Variants in ERICH6 observed in about 807,000 individuals in gnomAD.
The protein encoded by ERICH6 is glutamate-rich protein 6.
ERICH6 carries 71 observed loss-of-function variants against 71.0 expected under a neutral mutation model. The ratio of observed to expected loss-of-function variants is 1.00; its 90% CI spans 0.83 to 1.22. ERICH6 has a LOEUF of 1.22. Among genes scored for constraint, ERICH6 ranks in the 50% most tolerant of loss-of-function variants. The pLI is 0.00. For missense variants in ERICH6, 808 were observed against 797.2 expected (o/e 1.01, Z -0.16); for synonymous variants, 262 against 278.4 (o/e 0.94, Z 0.59).
At chr3:150,699,234 C>A (rs1712767740) in intron 2 of ERICH6, among the ~76,000 whole-genome samples, 1 of 152,168 alleles carries the variant, frequency 6.6e-6, no homozygotes, top group Admixed American at 6.5e-5. Flanking sequence ...TGGCTTGAGC[C>A]CAGGAAGTGG....
rs1336709196 is a variant in ERICH6 at position 150,703,572 on chromosome 3, C to T, written c.327G>A (p.Thr109=). 1.2e-6 allele frequency: 2 copies of T among 1,613,680 alleles called. No homozygotes were observed. The highest frequency in any genetic ancestry group is 1.3e-5 in the African/African-American group (1 of 74,996). Residue 109 remains threonine (T), a synonymous_variant, in exon 1 of 14, where the codon ACG becomes ACA. Transcript: ENST00000295910. ...ASIVSPSLTS[T]FVPSQSATST... Reference sequence around the variant, plus strand: ...TGGTCGCGCTCTGGCTGGGCACGAACGTAGAGGTCAGGCTAGGGCTGACGA... The same window carrying T: ...TGGTCGCGCTCTGGCTGGGCACGAATGTAGAGGTCAGGCTAGGGCTGACGA...
chr3:150,669,217 C>G (rs1485939399), intron 12 of ERICH6, 79 bp downstream of exon 12: 88 of 1,419,264 alleles, frequency 6.2e-5, no homozygotes, highest in Non-Finnish European at 8.3e-5. Context: ...GAAACCCATT[C>G]TTATCATTTA....
At chr3:150,700,058 A>G (rs1448412985) in intron 2 of ERICH6, among the ~76,000 whole-genome samples, 1 of 151,476 alleles carries the variant, frequency 6.6e-6, no homozygotes, top group Non-Finnish European at 1.5e-5. Flanking sequence ...CAAAGAAGCA[A>G]TGTCTTCAGA....
chr3:150,669,830 A>G (rs1711497494), intron 11 of ERICH6, among the ~76,000 whole-genome samples: 1 of 152,234 alleles, frequency 6.6e-6, no homozygotes, highest in Non-Finnish European at 1.5e-5. Context: ...AGCCCTCTTA[A>G]TAATAAGAAA....
intron 3 of ERICH6, among the ~76,000 whole-genome samples, chr3:150,696,835 G>A (rs371320521): frequency 1.3e-5 from 2 of 152,026 alleles, no homozygotes; most frequent in Non-Finnish European, 2.9e-5. Flanking sequence ...TTTGATGGAC[G>A]CATACTTTGG....
In ERICH6 at chr3:150,702,118, T is replaced by C; in HGVS notation, c.461+3A>G. ...AATGTGAAATTTGAAAACATTTTCT[T>C]ACCTATCTATACTCATTTCAGACAT... On this transcript the variant is annotated splice_donor_region_variant and intron_variant, in intron 2 of 13. Coordinates refer to ENST00000295910, the MANE Select transcript of ERICH6 (RefSeq NM_152394.5). 1 of 1,549,788 alleles carries C rather than the reference T, an allele frequency of 6.5e-7. No individual in the cohort carries two copies. Among genetic ancestry groups the C allele is most frequent in the Non-Finnish European group, 8.8e-7 (1 of 1,134,594 alleles).
At chr3:150,679,280 A>C (rs945070177) in intron 9 of ERICH6, among the ~76,000 whole-genome samples, 1 of 152,026 alleles carries the variant, frequency 6.6e-6, no homozygotes, top group African/African-American at 2.4e-5. Flanking sequence ...GTTTGGTTAC[A>C]TGAATAAGTT....
rs747166018 is a variant in ERICH6 at position 150,673,942 on chromosome 3, T to C, written c.1343+14A>G. 3.1e-6 allele frequency: 5 copies of C among 1,610,558 alleles called. No individual in the cohort carries two copies. The Admixed American group carries it at 6.7e-5, about 22-fold the overall frequency. ...TAATAAAGCTAATAAAAATAACTTG[T>C]TGAAAGAGGATACAATATTTGTGTT... On this transcript the variant is annotated intron_variant, in intron 11 of 13. Transcript: ENST00000295910.
At chr3:150,682,469 C>T in intron 6 of ERICH6, 153 bp from the exon 7 acceptor site, 1 of 607,870 alleles carries the variant, frequency 1.6e-6, no homozygotes, top group South Asian at 2.1e-5. Flanking sequence ...CATTTAAGGG[C>T]TGGTGAGGCT....
At chr3:150,693,903 A>G (rs1712549528) in intron 3 of ERICH6, among the ~76,000 whole-genome samples, 1 of 152,100 alleles carries the variant, frequency 6.6e-6, no homozygotes, top group African/African-American at 2.4e-5. Flanking sequence ...ATTTTCCCCA[A>G]TTTGGAGTCA....
At chr3:150,700,241 ATTTTTT>A (rs34624356) in intron 2 of ERICH6, among the ~76,000 whole-genome samples, 5 of 110,964 alleles carry the variant, frequency 4.5e-5, no homozygotes, top group African/African-American at 1.1e-4. Context: ...TGCCCGGCTA[ATTTTTT>A]TTTTTTTTTT....
chr3:150,669,250 A>G (rs1286511570), intron 12 of ERICH6, 46 bp downstream of exon 12: 2 of 1,540,618 alleles, frequency 1.3e-6, no homozygotes, highest in Non-Finnish European at 1.7e-6. Context: ...AAAATTTCCC[A>G]GAACAAAAGC....
At chr3:150,669,220 A>G (rs540669738) in intron 12 of ERICH6, 76 bp downstream of exon 12, 1 of 1,430,808 alleles carries the variant, frequency 7.0e-7, no homozygotes, top group Non-Finnish European at 9.4e-7. Flanking sequence ...ACCCATTCTT[A>G]TCATTTAAAA....
At chr3:150,672,418 C>T (rs185698904) in intron 11 of ERICH6, among the ~76,000 whole-genome samples, 2 of 150,682 alleles carry the variant, frequency 1.3e-5, no homozygotes, top group African/African-American at 2.4e-5. Flanking sequence ...GGCAACATAG[C>T]GAAACCCTGT....
intron 3 of ERICH6, among the ~76,000 whole-genome samples, chr3:150,697,576 T>C (rs2108077620): frequency 6.6e-6 from 1 of 152,268 alleles, no homozygotes; most frequent in African/African-American, 2.4e-5. Context: ...AACCTCTGAG[T>C]ATCATTTGAG....
rs199929972 is a variant in ERICH6, at chr3:150,666,869, C to T, written c.1646G>A (p.Arg549His). Residue 549 changes from arginine to histidine, a missense_variant, in exon 13 of 14, where the codon CGC (arginine) becomes CAC (histidine). By Grantham distance (29) the Arg-to-His change is conservative. Around this residue, in one of 3 missense-constraint regions of ERICH6, gnomAD observed 736 missense variants for 712.2 expected, o/e 1.03. Coordinates refer to ENST00000295910, the MANE Select transcript of ERICH6 (RefSeq NM_152394.5). ...AGAAATCTTGTCTTGTTCTAAGATG[C>T]GGACTCCAATATAACGGTTCAAAGC... is the stretch of plus-strand genomic sequence containing the variant. ...FLALNRYIGV[R>H]ILEQDKISIT... The T allele has an allele frequency of 8.2e-5, 132 of 1,614,082 alleles. 3 individuals are homozygous for T. In the South Asian group the frequency reaches 1.0e-3, roughly 12 times the overall value.
intron 1 of ERICH6, 134 bp downstream of exon 1, chr3:150,703,362 T>G: frequency 7.0e-7 from 1 of 1,419,446 alleles, no homozygotes. Context: ...AGAGATTAGG[T>G]GTGTGGAATG....
At chr3:150,675,081 C>G (rs985454498) in intron 10 of ERICH6, among the ~76,000 whole-genome samples, 2 of 151,964 alleles carry the variant, frequency 1.3e-5, no homozygotes, top group African/African-American at 4.8e-5. Flanking sequence ...TGCAGTGAGC[C>G]GAGATCATGC....
In ERICH6 at chr3:150,700,485, G is replaced by A. The variant is rs528345092; in HGVS notation, c.462-1603C>T. 2.0e-5 allele frequency among the ~76,000 whole-genome samples: 3 copies of A among 151,992 alleles called. No individual in the cohort carries two copies. The South Asian group carries it at 6.2e-4, about 32-fold the overall frequency. ...GCAAAAGGAAAAGCAACAAAAGAAA[G>A]AAGACAATATGGGAACCAATAAAGT... On this transcript the variant is annotated intron_variant, in intron 2 of 13. Transcript: ENST00000295910.
Sources: gnomAD v4.1 joint callset for allele counts (sites outside exome capture counted in the v4.1 genomes callset) on GRCh38, gnomAD v4.1.1 for gene constraint, gnomAD v4.1.1 regional missense constraint, MANE v1.5 for transcripts, NCBI Gene and HGNC (gene_info 2026-07-23, HGNC 2026-07-21) for gene names.